ABCB1: variants seen among roughly 807,000 people sequenced by gnomAD.
The protein encoded by ABCB1 is ATP-dependent translocase ABCB1.
Under a neutral mutation model 142.0 loss-of-function variants are expected in ABCB1, and 69 were observed. The ratio of observed to expected loss-of-function variants is 0.49; its 90% CI spans 0.40 to 0.59. ABCB1 has a LOEUF of 0.59. Ranked by LOEUF, ABCB1 falls within the 20% of genes least tolerant of loss-of-function variation. The probability of loss-of-function intolerance (pLI) is 0.00; values close to 1 mark genes in which losing one functional copy is unlikely to be tolerated. For synonymous variants in ABCB1, 532 were observed against 539.2 expected (o/e 0.99, Z 0.18); for missense variants, 1,326 against 1,554.7 (o/e 0.85, Z 2.47).
chr7:87,668,922 C>T (rs932331026), intron 1 of ABCB1, among the ~76,000 whole-genome samples: 1 of 151,918 alleles, frequency 6.6e-6, no homozygotes, highest in Non-Finnish European at 1.5e-5. Context: ...GAGTATGTGC[C>T]ATGTGGTGAG....
At chr7:87,592,726 A>C (rs1371727465) in intron 3 of ABCB1, among the ~76,000 whole-genome samples, 1 of 152,208 alleles carries the variant, frequency 6.6e-6, no homozygotes, top group African/African-American at 2.4e-5. Context: ...ACAAGTTCCT[A>C]AATTGCAGGT....
At chr7:87,549,793 G>T in intron 13 of ABCB1, 58 bp downstream of exon 13, 1 of 1,565,118 alleles carries the variant, frequency 6.4e-7, no homozygotes, top group Non-Finnish European at 8.8e-7. Flanking sequence ...TTCCTGCATA[G>T]TAGGCCTGCA....
At chr7:87,576,505 T>G (rs1218986724) in intron 4 of ABCB1, among the ~76,000 whole-genome samples, 2 of 150,778 alleles carry the variant, frequency 1.3e-5, no homozygotes, top group Non-Finnish European at 3.0e-5. Flanking sequence ...TAATCTCATG[T>G]GTATTTAAGA....
chr7:87,521,219 A>AT (rs1815490745), intron 21 of ABCB1: 2 of 359,034 alleles, frequency 5.6e-6, no homozygotes, highest in Non-Finnish European at 1.0e-5. Flanking sequence ...TGATGATCAC[A>AT]TTTTAAGTTC....
Position 87,566,084 on chromosome 7 carries a change from C to A in ABCB1, c.688G>T (p.Ala230Ser), listed in dbSNP as rs750938138. The change falls in exon 7 of 28, where the codon GCT becomes TCT. Residue 230 changes from alanine (A) to serine (S), a missense_variant. Transcript: ENST00000622132. Reference sequence around the variant, plus strand: ...GCTTCACCTACCTTTGCCCAGACAGCAGCTGACAGTCCAAGAACAGGACTG... The same window carrying A: ...GCTTCACCTACCTTTGCCCAGACAGAAGCTGACAGTCCAAGAACAGGACTG... ...AISPVLGLSA[A>S]VWAKILSSFT... is the part of the protein sequence containing the mutation. The A allele has an allele frequency of 2.5e-6, 4 of 1,614,178 alleles. No individual in the cohort carries two copies. The highest frequency in any genetic ancestry group is 3.4e-6 in the Non-Finnish European group (4 of 1,180,022).
chr7:87,576,158 C>CTT (rs199634434), intron 4 of ABCB1, among the ~76,000 whole-genome samples: 12 of 149,784 alleles, frequency 8.0e-5, no homozygotes, highest in African/African-American at 2.0e-4. Flanking sequence ...GTATATTGAT[C>CTT]TTTTTTTTTT....
intron 1 of ABCB1, among the ~76,000 whole-genome samples, chr7:87,678,438 T>C (rs889673388): frequency 1.3e-5 from 2 of 152,100 alleles, no homozygotes; most frequent in Non-Finnish European, 2.9e-5. Context: ...TTCTATTTCA[T>C]AAAGTAGTGA....
chr7:87,616,593 G>A (rs929625974), intron 1 of ABCB1, among the ~76,000 whole-genome samples: 7 of 152,078 alleles, frequency 4.6e-5, no homozygotes, highest in Admixed American at 2.6e-4. Flanking sequence ...TAAGAGTTTC[G>A]TTTATGATCA....
At chr7:87,571,322 A>G (rs80319037) in intron 4 of ABCB1, among the ~76,000 whole-genome samples, 1,756 of 152,284 alleles carry the variant, frequency 0.012, 41 homozygotes, top group African/African-American at 0.04. Context: ...TCCTGCAGGT[A>G]TGGTGCAAGA....
chr7:87,658,541 A>G (rs1157128057), intron 1 of ABCB1, among the ~76,000 whole-genome samples: 2 of 152,218 alleles, frequency 1.3e-5, no homozygotes, highest in African/African-American at 4.8e-5. Context: ...GAAACAGAGC[A>G]AACCACAAAT....
At chr7:87,671,468 G>T (rs150712344) in intron 1 of ABCB1, among the ~76,000 whole-genome samples, 8 of 152,220 alleles carry the variant, frequency 5.3e-5, no homozygotes, top group Non-Finnish European at 8.8e-5. Flanking sequence ...TAACACTCTG[G>T]CCAATTTTCC....
chr7:87,638,941 A>G (rs533356966), intron 1 of ABCB1, among the ~76,000 whole-genome samples: 3 of 152,110 alleles, frequency 2.0e-5, no homozygotes, highest in African/African-American at 7.2e-5. Context: ...TCACGAGGTC[A>G]GGAGATCGAG....
At position 87,550,217 on chromosome 7, in the gene ABCB1, G is replaced by A; in HGVS notation, c.1304C>T (p.Thr435Ile). 1 of 1,614,136 alleles carries A rather than the reference G, an allele frequency of 6.2e-7. No individual in the cohort carries two copies. The highest frequency in any genetic ancestry group is 8.5e-7 in the Non-Finnish European group (1 of 1,180,042). ...LVGNSGCGKS[T>I]TVQLMQRLYD... ...GAGCCTCTGCATCAGCTGGACTGTT[G>A]TGCTCTTCCCACAGCCACTGTTTCC... The change falls in exon 12 of 28, where the codon ACA (threonine) becomes ATA (isoleucine). Residue 435 changes from threonine to isoleucine, a missense_variant. Transcript: ENST00000622132.
At chr7:87,527,461 T>C (rs542880609) in intron 21 of ABCB1, among the ~76,000 whole-genome samples, 1 of 152,324 alleles carries the variant, frequency 6.6e-6, no homozygotes, top group Admixed American at 6.5e-5. Context: ...GATTCATTTA[T>C]CTTGAAATGG....
rs1189210875 is a variant in ABCB1 at position 87,606,056 on chromosome 7, T to C, written c.-330-4978A>G. Among the ~76,000 whole-genome samples, 4 of 152,020 alleles carry C rather than the reference T, an allele frequency of 2.6e-5. No homozygotes were observed. In the East Asian group the frequency reaches 5.8e-4, roughly 22 times the overall value. On this transcript the variant is annotated intron_variant, in intron 1 of 28. Coordinates refer to the ABCB1 transcript ENST00000265724. ...CACATTTAAAACCAACAACAAACCA[T>C]ATAGCTATTTATTGCAAATATCACA... is the stretch of plus-strand genomic sequence containing the variant.
chr7:87,561,992 C>T (rs544190273), intron 7 of ABCB1, among the ~76,000 whole-genome samples: 2 of 152,112 alleles, frequency 1.3e-5, no homozygotes, highest in South Asian at 2.1e-4. Flanking sequence ...TTCTCCCCAC[C>T]CCTCCCCCAA....
intron 1 of ABCB1, among the ~76,000 whole-genome samples, chr7:87,668,467 T>G (rs988248800): frequency 1.3e-5 from 2 of 152,132 alleles, no homozygotes; most frequent in African/African-American, 4.8e-5. Flanking sequence ...ATTGTTTTTT[T>G]TGTGTCTCAG....
intron 21 of ABCB1, 36 bp from the exon 22 acceptor site, chr7:87,520,912 G>T: frequency 6.8e-7 from 1 of 1,460,306 alleles, no homozygotes; most frequent in Non-Finnish European, 9.6e-7. Context: ...AGAGGCACAA[G>T]AGTAAATAGT....
At chr7:87,626,869 G>A (rs896394396) in intron 1 of ABCB1, among the ~76,000 whole-genome samples, 11 of 151,824 alleles carry the variant, frequency 7.2e-5, no homozygotes, top group Non-Finnish European at 1.0e-4. Flanking sequence ...TCCGCCTCCC[G>A]GGTTCAAACG....
Sources: gnomAD v4.1 joint callset for allele counts (sites outside exome capture counted in the v4.1 genomes callset) on GRCh38, gnomAD v4.1.1 for gene constraint, MANE v1.5 for transcripts, NCBI Gene and HGNC (gene_info 2026-07-23, HGNC 2026-07-21) for gene names.